Variants in LRP1B observed in about 807,000 individuals in gnomAD.
LRP1B encodes the protein low-density lipoprotein receptor-related protein 1B.
A neutral mutation model predicts 556.6 loss-of-function variants in LRP1B; 217 were observed. The observed-to-expected ratio is 0.39, with a 90% CI of 0.35 to 0.44. The LOEUF (loss-of-function observed/expected upper bound fraction) is 0.44. LRP1B is among the 20% of genes least tolerant of loss of function. The pLI is 1.00. For missense variants in LRP1B, 5,053 were observed against 5,620.8 expected (o/e 0.90, Z 3.23); for synonymous variants, 2,047 against 1,865.8 (o/e 1.10, Z -2.50).
intron 2 of LRP1B, among the ~76,000 whole-genome samples, chr2:141,734,848 C>T (rs373706320): frequency 1.6e-4 from 24 of 152,170 alleles, no homozygotes; most frequent in African/African-American, 5.5e-4. Context: ...TTATTAAGCA[C>T]CTGCACTCTA....
chr2:141,324,092 C>T (rs557409053), intron 3 of LRP1B, among the ~76,000 whole-genome samples: 5 of 147,288 alleles, frequency 3.4e-5, no homozygotes, highest in Admixed American at 6.8e-5. Flanking sequence ...TATACATGTA[C>T]TCACATACCT....
chr2:140,729,670 C>T (rs1264628714), intron 35 of LRP1B, among the ~76,000 whole-genome samples: 1 of 152,118 alleles, frequency 6.6e-6, no homozygotes, highest in East Asian at 1.9e-4. Context: ...TTCAATCTTC[C>T]CAAAGACTCA....
chr2:141,380,293 T>C (rs1352393305), intron 3 of LRP1B, among the ~76,000 whole-genome samples: 1 of 151,854 alleles, frequency 6.6e-6, no homozygotes, highest in Middle Eastern at 3.2e-3. Context: ...TAATATTGCA[T>C]CTTTTCCAGC....
intron 1 of LRP1B, among the ~76,000 whole-genome samples, chr2:141,955,031 AG>A (rs2105042245): frequency 6.6e-6 from 1 of 152,284 alleles, no homozygotes; most frequent in East Asian, 1.9e-4. Flanking sequence ...AGAACATAAA[AG>A]CATTGGAAAA....
intron 1 of LRP1B, among the ~76,000 whole-genome samples, chr2:141,986,267 A>G (rs992896235): frequency 1.3e-5 from 2 of 151,962 alleles, no homozygotes; most frequent in African/African-American, 4.8e-5. Flanking sequence ...TTTATGTTAT[A>G]TTTTACCACA....
intron 31 of LRP1B, among the ~76,000 whole-genome samples, chr2:140,829,969 A>G (rs1691658001): frequency 6.6e-6 from 1 of 152,094 alleles, no homozygotes. Context: ...ATTAGGGACT[A>G]TTACGAACAA....
chr2:141,063,442 A>G (rs1699394563), intron 7 of LRP1B, among the ~76,000 whole-genome samples: 2 of 151,918 alleles, frequency 1.3e-5, no homozygotes, highest in African/African-American at 4.8e-5. Flanking sequence ...TATTATAAGT[A>G]TATATTTCAC....
chr2:140,871,867 T>C (rs985813362), intron 25 of LRP1B, among the ~76,000 whole-genome samples: 1 of 152,062 alleles, frequency 6.6e-6, no homozygotes, highest in Admixed American at 6.6e-5. Context: ...ACTTCTGAAA[T>C]AGCAGCAATT....
intron 23 of LRP1B, among the ~76,000 whole-genome samples, chr2:140,896,422 T>C (rs1693955743): frequency 6.7e-6 from 1 of 150,020 alleles, no homozygotes; most frequent in Non-Finnish European, 1.5e-5. Flanking sequence ...TGTAGAGAAA[T>C]AAAAAAAAGA....
intron 7 of LRP1B, among the ~76,000 whole-genome samples, chr2:141,118,530 A>G (rs2104989026): frequency 6.6e-6 from 1 of 152,112 alleles, no homozygotes; most frequent in East Asian, 1.9e-4. Flanking sequence ...AATGTAATGG[A>G]TAGAAATTGC....
chr2:141,948,412 T>C (rs1050735186), intron 1 of LRP1B, among the ~76,000 whole-genome samples: 6 of 152,030 alleles, frequency 3.9e-5, no homozygotes, highest in African/African-American at 7.2e-5. Flanking sequence ...GCTATAAATA[T>C]ATTGTAAATA....
intron 20 of LRP1B, among the ~76,000 whole-genome samples, chr2:140,943,040 A>G (rs1158938242): frequency 3.3e-5 from 5 of 152,140 alleles, no homozygotes; most frequent in Non-Finnish European, 7.4e-5. Flanking sequence ...TCAACAGACC[A>G]TCTCCCATGT....
chr2:140,855,996 C>T (rs1424515570), intron 27 of LRP1B, among the ~76,000 whole-genome samples: 1 of 152,186 alleles, frequency 6.6e-6, no homozygotes, highest in African/African-American at 2.4e-5. Context: ...CTCTACTCCT[C>T]CAACATGTTT....
At chr2:142,106,929 G>A (rs1279039733) in intron 1 of LRP1B, among the ~76,000 whole-genome samples, 1 of 151,870 alleles carries the variant, frequency 6.6e-6, no homozygotes, top group Non-Finnish European at 1.5e-5. Context: ...ATATACATGA[G>A]CATAAAGGCA....
chr2:140,643,656 T>A (rs533044505), intron 41 of LRP1B, among the ~76,000 whole-genome samples: 2 of 152,294 alleles, frequency 1.3e-5, no homozygotes, highest in South Asian at 4.1e-4. Context: ...ATAATTTGCT[T>A]GTATTTTGTG....
intron 3 of LRP1B, among the ~76,000 whole-genome samples, chr2:141,332,750 G>A (rs1219580541): frequency 6.8e-6 from 1 of 146,282 alleles, no homozygotes; most frequent in Non-Finnish European, 1.5e-5. Context: ...AAAGGAAACT[G>A]TTACAGTTAC....
chr2:140,901,188 G>T (rs183264175), intron 23 of LRP1B, among the ~76,000 whole-genome samples: 19 of 151,462 alleles, frequency 1.3e-4, no homozygotes, highest in African/African-American at 4.3e-4. Flanking sequence ...ATGAACAATC[G>T]ATTGGACAGG....
At chr2:141,275,886 TG>T (rs1246111500) in intron 3 of LRP1B, among the ~76,000 whole-genome samples, 1 of 151,904 alleles carries the variant, frequency 6.6e-6, no homozygotes, top group Non-Finnish European at 1.5e-5. Flanking sequence ...CAGAACAATT[TG>T]AATTTTAAGC....
intron 3 of LRP1B, among the ~76,000 whole-genome samples, chr2:141,441,004 C>CA (rs912386405): frequency 1.6e-4 from 23 of 148,342 alleles, no homozygotes; most frequent in African/African-American, 5.4e-4. Flanking sequence ...TGCCCCACAA[C>CA]AAAAAATTAT....
Sources: allele counts gnomAD v4.1 joint callset (sites outside exome capture counted in the v4.1 genomes callset), GRCh38; gene constraint gnomAD v4.1.1; transcripts MANE v1.5; gene names NCBI Gene and HGNC (gene_info 2026-07-23, HGNC 2026-07-21).